OTOGL: variants seen among roughly 807,000 people sequenced by gnomAD.
OTOGL encodes otogelin-like protein.
Under a neutral mutation model 318.5 loss-of-function variants are expected in OTOGL, and 285 were observed. That is an observed-to-expected ratio of 0.89 (90% CI 0.81 to 0.99). The LOEUF is 0.99. Ranked by LOEUF, OTOGL falls within the 50% of genes least tolerant of loss-of-function variation. OTOGL has a pLI of 0.00. For missense variants in OTOGL, 2,899 were observed against 2,845.6 expected (o/e 1.02, Z -0.43); for synonymous variants, 987 against 936.5 (o/e 1.05, Z -0.99).
intron 35 of OTOGL, among the ~76,000 whole-genome samples, chr12:80,324,968 T>C (rs1887585612): frequency 6.6e-6 from 1 of 152,062 alleles, no homozygotes. Flanking sequence ...TGGAAAATTG[T>C]TCATTGGATT....
chr12:80,290,859 A>ACTCCATAT (rs1260284941), intron 26 of OTOGL, among the ~76,000 whole-genome samples: 1 of 152,144 alleles, frequency 6.6e-6, no homozygotes, highest in East Asian at 1.9e-4. Flanking sequence ...TACTATTTAT[A>ACTCCATAT]CTCCATATTA....
intron 1 of OTOGL, among the ~76,000 whole-genome samples, chr12:80,162,397 G>T (rs995943357): frequency 6.6e-6 from 1 of 152,120 alleles, no homozygotes; most frequent in African/African-American, 2.4e-5. Flanking sequence ...CCTGTGGCTA[G>T]AGTGAAGTTA....
chr12:80,320,306 T>G (rs1887239228), intron 33 of OTOGL, 116 bp from the exon 34 acceptor site: 3 of 927,958 alleles, frequency 3.2e-6, no homozygotes, highest in Middle Eastern at 2.4e-4. Context: ...TTATTGGCAC[T>G]AATTATGTTT....
chr12:80,367,811 A>C (rs1188564365), intron 54 of OTOGL, 72 bp downstream of exon 54: 2 of 1,038,742 alleles, frequency 1.9e-6, no homozygotes, highest in African/African-American at 3.4e-5. Context: ...AGAATTTGAA[A>C]TGGTGAATAC....
At chr12:80,112,669 C>T (rs1313811149) in intron 1 of OTOGL, among the ~76,000 whole-genome samples, 6 of 150,450 alleles carry the variant, frequency 4.0e-5, no homozygotes, top group South Asian at 2.1e-4. Context: ...AGGATTTTTG[C>T]ACTGATGTTC....
chr12:80,196,555 G>T (rs1364001515), intron 1 of OTOGL, among the ~76,000 whole-genome samples: 7 of 152,160 alleles, frequency 4.6e-5, no homozygotes, highest in Non-Finnish European at 8.8e-5. Flanking sequence ...AGTGGAGGGG[G>T]TTTCACTTGT....
intron 1 of OTOGL, among the ~76,000 whole-genome samples, chr12:80,130,045 C>A (rs1248895479): frequency 6.6e-6 from 1 of 151,540 alleles, no homozygotes; most frequent in Non-Finnish European, 1.5e-5. Flanking sequence ...CCTTTTTTTT[C>A]TTCTGAAATA....
chr12:80,213,647 G>T (rs988046836), intron 4 of OTOGL, among the ~76,000 whole-genome samples: 1 of 152,146 alleles, frequency 6.6e-6, no homozygotes, highest in Non-Finnish European at 1.5e-5. Flanking sequence ...GTGTCAAATT[G>T]GGGTTATACT....
rs1422296277 is a variant in OTOGL, at chr12:80,328,848, T to G, written c.4279+104T>G. ...CAGAAGTTTTAAACAGACAATCAAC[T>G]CTCATAAGATTATTCTTCAATGTCT... On this transcript the variant is annotated intron_variant, in intron 36 of 58. Transcript: ENST00000547103. The G allele has an allele frequency of 3.5e-6, 4 of 1,146,736 alleles. No homozygotes were observed. The African/African-American group carries it at 6.3e-5, about 18-fold the overall frequency. 71.0% of individuals were successfully genotyped at this position (1,146,736 alleles called of 1,614,324 possible).
At chr12:80,179,713 A>AG (rs1874786661) in intron 1 of OTOGL, among the ~76,000 whole-genome samples, 1 of 152,210 alleles carries the variant, frequency 6.6e-6, no homozygotes, top group African/African-American at 2.4e-5. Flanking sequence ...TTCAGTGCTT[A>AG]GATGACTGCA....
chr12:80,278,628 T>C (rs1883984335), intron 25 of OTOGL, among the ~76,000 whole-genome samples: 1 of 151,582 alleles, frequency 6.6e-6, no homozygotes, highest in Non-Finnish European at 1.5e-5. Flanking sequence ...TAAAATAAAA[T>C]TTGAAATATA....
At chr12:80,252,031 G>T (rs749212601) in intron 12 of OTOGL, 45 bp from the exon 13 acceptor site, 222 of 1,440,724 alleles carry the variant, frequency 1.5e-4, no homozygotes, top group Non-Finnish European at 1.9e-4. Context: ...AAAAGAAATA[G>T]AGGCTAATAA....
chr12:80,217,381 G>A (rs1877840550), intron 4 of OTOGL, among the ~76,000 whole-genome samples: 1 of 152,136 alleles, frequency 6.6e-6, no homozygotes, highest in South Asian at 2.1e-4. Flanking sequence ...AGTCATGTAA[G>A]AGGCAAAACC....
At chr12:80,190,631 C>G (rs2137260263) in intron 1 of OTOGL, among the ~76,000 whole-genome samples, 1 of 151,534 alleles carries the variant, frequency 6.6e-6, no homozygotes, top group South Asian at 2.1e-4. Context: ...ACTAAAAATA[C>G]AAAAAATTAG....
intron 26 of OTOGL, among the ~76,000 whole-genome samples, chr12:80,281,111 T>C (rs757353023): frequency 5.3e-5 from 8 of 151,912 alleles, no homozygotes; most frequent in Non-Finnish European, 8.8e-5. Flanking sequence ...GGCTATGAGG[T>C]TTTCCAGGTG....
At chr12:80,221,055 G>A (rs1878275657) in intron 6 of OTOGL, among the ~76,000 whole-genome samples, 1 of 151,992 alleles carries the variant, frequency 6.6e-6, no homozygotes, top group African/African-American at 2.4e-5. Flanking sequence ...GTATCAAAAT[G>A]TTTTACATGT....
Position 80,157,787 on chromosome 12 carries a change from G to A in OTOGL, c.-19-51626G>A, listed in dbSNP as rs376088146. On this transcript the variant is annotated intron_variant, in intron 1 of 58. Coordinates refer to ENST00000547103, the MANE Select transcript of OTOGL (RefSeq NM_001378609.3). Reference sequence around the variant, plus strand: ...TCTATTCTGTTCTATTGGTCTGTGTGTCTGTGTATCATAAGGGTGACAGTG... The same window carrying A: ...TCTATTCTGTTCTATTGGTCTGTGTATCTGTGTATCATAAGGGTGACAGTG... 4.6e-5 allele frequency among the ~76,000 whole-genome samples: 7 copies of A among 152,120 alleles called. No homozygotes were observed. The East Asian group carries it at 1.3e-3, about 29-fold the overall frequency.
At chr12:80,242,978 A>G (rs1487300542) in intron 11 of OTOGL, among the ~76,000 whole-genome samples, 2 of 152,110 alleles carry the variant, frequency 1.3e-5, no homozygotes, top group Non-Finnish European at 2.9e-5. Context: ...CAGCAAGGAA[A>G]TGATTTTAAT....
chr12:80,241,044 C>T (rs566236051), intron 11 of OTOGL, among the ~76,000 whole-genome samples: 2 of 151,818 alleles, frequency 1.3e-5, no homozygotes, highest in Admixed American at 6.6e-5. Flanking sequence ...AATAAAAAAC[C>T]AGACTAGTTT....
Sources: gnomAD v4.1 joint callset for allele counts (sites outside exome capture counted in the v4.1 genomes callset) on GRCh38, gnomAD v4.1.1 for gene constraint, MANE v1.5 for transcripts, NCBI Gene and HGNC (gene_info 2026-07-23, HGNC 2026-07-21) for gene names.